The following SEMA5A variants were observed in gnomAD, a reference collection of about 807,000 sequenced individuals.
SEMA5A encodes the protein semaphorin-5A.
SEMA5A carries 55 observed loss-of-function variants against 135.5 expected under a neutral mutation model. The observed-to-expected ratio is 0.41, with a 90% CI of 0.33 to 0.51. The LOEUF is 0.51. Ranked by LOEUF, SEMA5A falls within the 20% of genes least tolerant of loss-of-function variation. SEMA5A has a pLI of 0.37. For missense variants in SEMA5A, 1,290 were observed against 1,419.9 expected, an observed-to-expected ratio of 0.91 and a Z score of 1.47; for synonymous variants, 580 against 546.5, an observed-to-expected ratio of 1.06 and a Z score of -0.85.
At chr5:9,500,209 C>T (rs929607557) in intron 1 of SEMA5A, among the ~76,000 whole-genome samples, 1 of 152,110 alleles carries the variant, frequency 6.6e-6, no homozygotes, top group South Asian at 2.1e-4. Flanking sequence ...TTTGATTAAT[C>T]CTCAGCTCAT....
At chr5:9,269,958 G>A (rs1245995600) in intron 5 of SEMA5A, among the ~76,000 whole-genome samples, 1 of 152,034 alleles carries the variant, frequency 6.6e-6, no homozygotes, top group African/African-American at 2.4e-5. Flanking sequence ...TTGCAAAATT[G>A]GCCCCTTAGC....
intron 21 of SEMA5A, among the ~76,000 whole-genome samples, chr5:9,046,570 A>C (rs1251968119): frequency 6.6e-6 from 1 of 152,042 alleles, no homozygotes. Context: ...TCCTTCCTGA[A>C]CCTCATGCAA....
chr5:9,185,910 T>C (rs965297868), intron 11 of SEMA5A, among the ~76,000 whole-genome samples: 3 of 152,064 alleles, frequency 2.0e-5, no homozygotes, highest in Non-Finnish European at 4.4e-5. Flanking sequence ...GGACCAGGAG[T>C]GCATGTGGGA....
intron 5 of SEMA5A, among the ~76,000 whole-genome samples, chr5:9,306,014 T>A (rs926679291): frequency 6.6e-6 from 1 of 152,312 alleles, no homozygotes. Flanking sequence ...AAACTGGCTA[T>A]GGATCTTATT....
intron 11 of SEMA5A, among the ~76,000 whole-genome samples, chr5:9,162,536 GTA>G (rs1560977090): frequency 8.5e-5 from 5 of 58,528 alleles, no homozygotes; most frequent in African/African-American, 3.1e-4. Context: ...GTATATATAT[GTA>G]TGTGTGTATA....
intron 8 of SEMA5A, among the ~76,000 whole-genome samples, chr5:9,207,848 TGATGATA>T (rs1256827609): frequency 6.7e-6 from 1 of 149,986 alleles, no homozygotes; most frequent in Non-Finnish European, 1.5e-5. Flanking sequence ...AAAAGACAGA[TGATGATA>T]GATAGATAGA....
intron 1 of SEMA5A, among the ~76,000 whole-genome samples, chr5:9,441,264 G>A (rs1267476352): frequency 1.3e-5 from 2 of 152,240 alleles, no homozygotes; most frequent in Non-Finnish European, 2.9e-5. Context: ...AAGAGTCAAG[G>A]AAAAGATTTC....
At chr5:9,090,576 C>A (rs1738976710) in intron 16 of SEMA5A, among the ~76,000 whole-genome samples, 1 of 152,304 alleles carries the variant, frequency 6.6e-6, no homozygotes, top group South Asian at 2.1e-4. Context: ...TGCAGCTGGC[C>A]TCAAACCTGA....
At chr5:9,466,263 A>G (rs1035644730) in intron 1 of SEMA5A, among the ~76,000 whole-genome samples, 2 of 151,824 alleles carry the variant, frequency 1.3e-5, no homozygotes, top group Non-Finnish European at 2.9e-5. Flanking sequence ...AGATATACCT[A>G]ATGCTAAATG....
rs199511627 is a variant in SEMA5A at position 9,337,827 on chromosome 5, T to A, written c.125-15A>T. On this transcript the variant is annotated splice_polypyrimidine_tract_variant and intron_variant, in intron 3 of 22. Transcript: ENST00000382496. ...GGGGCCAATTTCTAAATAGAAAAAA[T>A]AAATAAATAAAAAGATAAAAATGAA... 1.1e-4 allele frequency: 169 copies of A among 1,520,022 alleles called. No individual in the cohort carries two copies. Among genetic ancestry groups the A allele is most frequent in the South Asian group, 1.4e-4 (12 of 83,788 alleles). 94.2% of individuals were successfully genotyped at this position (1,520,022 alleles called of 1,614,324 possible).
chr5:9,408,141 A>G (rs1435150751), intron 2 of SEMA5A, among the ~76,000 whole-genome samples: 1 of 151,126 alleles, frequency 6.6e-6, no homozygotes, highest in African/African-American at 2.4e-5. Flanking sequence ...ACCATCTTCA[A>G]CATCATTATC....
intron 1 of SEMA5A, among the ~76,000 whole-genome samples, chr5:9,532,616 C>T (rs1233997009): frequency 6.6e-6 from 1 of 152,116 alleles, no homozygotes; most frequent in Non-Finnish European, 1.5e-5. Context: ...GAAGGCATTT[C>T]TCTAGACATG....
At chr5:9,135,491 A>G (rs1236534038) in intron 13 of SEMA5A, among the ~76,000 whole-genome samples, 1 of 151,832 alleles carries the variant, frequency 6.6e-6, no homozygotes, top group Non-Finnish European at 1.5e-5. Context: ...TGGTTTTCCG[A>G]CTTTCAAGCT....
At chr5:9,166,372 C>G (rs370248986) in intron 11 of SEMA5A, among the ~76,000 whole-genome samples, 1 of 152,176 alleles carries the variant, frequency 6.6e-6, no homozygotes, top group African/African-American at 2.4e-5. Flanking sequence ...GCAGATCCCT[C>G]ATATCTCTGT....
intron 19 of SEMA5A, among the ~76,000 whole-genome samples, chr5:9,052,231 T>C (rs975707462): frequency 2.6e-4 from 40 of 152,212 alleles, no homozygotes; most frequent in African/African-American, 9.2e-4. Context: ...TAAAAGTGCC[T>C]GCGCTGTTAT....
intron 1 of SEMA5A, among the ~76,000 whole-genome samples, chr5:9,494,207 A>G (rs1735181967): frequency 6.6e-6 from 1 of 152,192 alleles, no homozygotes; most frequent in Non-Finnish European, 1.5e-5. Flanking sequence ...CTTGGCCTCA[A>G]GGTGCCTATC....
rs969596399 is a variant in SEMA5A, at chr5:9,224,904, G to C, written c.433-17C>G. The C allele has an allele frequency of 1.2e-6, 2 of 1,606,106 alleles. No homozygotes were observed. Among genetic ancestry groups the C allele is most frequent in the Non-Finnish European group, 1.7e-6 (2 of 1,174,968 alleles). On this transcript the variant is annotated splice_polypyrimidine_tract_variant and intron_variant, in intron 7 of 22. Coordinates refer to ENST00000382496, the MANE Select transcript of SEMA5A (RefSeq NM_003966.3). ...GTTGCTCAACTGTGGGGGAGGATGAGAGGGAAAGCAGTTATCTCTGCACAA... is the reference window on the plus strand; with the variant it reads ...GTTGCTCAACTGTGGGGGAGGATGACAGGGAAAGCAGTTATCTCTGCACAA...
Position 9,042,760 on chromosome 5 carries a change from A to G in SEMA5A, c.*137T>C, listed in dbSNP as rs1042757433. 5.9e-6 allele frequency: 6 copies of G among 1,015,072 alleles called. No homozygotes were observed. The highest frequency in any genetic ancestry group is 4.9e-5 in the African/African-American group (3 of 60,798). The allele number at this position is 1,015,072 out of a possible 1,614,324, so 62.9% of individuals were successfully genotyped here. ...TTAAAGACGTGTATTTTTGGCAGCA[A>G]TGGGACACTCTGGTGGCTTGAAATG... On this transcript the variant is annotated 3_prime_UTR_variant, in exon 23 of 23. Transcript: ENST00000382496.
intron 1 of SEMA5A, among the ~76,000 whole-genome samples, chr5:9,530,252 A>G (rs1737367730): frequency 6.6e-6 from 1 of 152,242 alleles, no homozygotes; most frequent in Non-Finnish European, 1.5e-5. Flanking sequence ...AAAAGAAAAA[A>G]AAATGTGCTT....
Sources: allele counts gnomAD v4.1 joint callset (sites outside exome capture counted in the v4.1 genomes callset), GRCh38; gene constraint gnomAD v4.1.1; transcripts MANE v1.5; gene names NCBI Gene and HGNC (gene_info 2026-07-23, HGNC 2026-07-21).